AGBL4: variants seen among roughly 807,000 people sequenced by gnomAD.
The protein encoded by AGBL4 is cytosolic carboxypeptidase 6.
Under a neutral mutation model 66.4 loss-of-function variants are expected in AGBL4, and 58 were observed. The ratio of observed to expected loss-of-function variants is 0.87; its 90% CI spans 0.71 to 1.09. The LOEUF is 1.09. Among genes scored for constraint, AGBL4 ranks in the 50% least tolerant of loss-of-function variants. AGBL4 has a pLI of 0.00. For missense variants in AGBL4, 579 were observed against 631.0 expected, an observed-to-expected ratio of 0.92 and a Z score of 0.88; for synonymous variants, 234 against 222.9, an observed-to-expected ratio of 1.05 and a Z score of -0.44.
At chr1:49,052,560 T>C (rs1242758833) in intron 4 of AGBL4, among the ~76,000 whole-genome samples, 2 of 152,160 alleles carry the variant, frequency 1.3e-5, no homozygotes, top group Non-Finnish European at 2.9e-5. Flanking sequence ...AAAACTGTCA[T>C]TTGCTGGGGT....
At chr1:50,017,872 C>T (rs1662112217) in intron 1 of AGBL4, among the ~76,000 whole-genome samples, 2 of 151,972 alleles carry the variant, frequency 1.3e-5, no homozygotes, top group Admixed American at 1.3e-4. Flanking sequence ...TGTATGTACC[C>T]CATGAGCCTA....
At chr1:49,359,233 T>C (rs756281510) in intron 3 of AGBL4, among the ~76,000 whole-genome samples, 1 of 152,108 alleles carries the variant, frequency 6.6e-6, no homozygotes, top group Non-Finnish European at 1.5e-5. Flanking sequence ...CTGAATAGGA[T>C]TTAGTAGAAA....
intron 1 of AGBL4, among the ~76,000 whole-genome samples, chr1:49,919,990 A>G (rs1652031049): frequency 6.6e-6 from 1 of 152,174 alleles, no homozygotes; most frequent in Non-Finnish European, 1.5e-5. Flanking sequence ...AAATGGGGAA[A>G]GGATTCCCTA....
chr1:49,054,860 AC>A (rs2147896527), intron 4 of AGBL4, among the ~76,000 whole-genome samples: 2 of 152,012 alleles, frequency 1.3e-5, no homozygotes, highest in Admixed American at 1.3e-4. Context: ...TGTTAATGAG[AC>A]TTTTACATTT....
chr1:49,742,440 T>G (rs1458624856), intron 2 of AGBL4, among the ~76,000 whole-genome samples: 1 of 151,910 alleles, frequency 6.6e-6, no homozygotes, highest in African/African-American at 2.4e-5. Context: ...TGCTCATGGG[T>G]AGGAAGAATC....
intron 4 of AGBL4, among the ~76,000 whole-genome samples, chr1:49,242,967 GAAT>G (rs1651352333): frequency 6.6e-6 from 1 of 151,400 alleles, no homozygotes. Context: ...AGGTGAAGAA[GAAT>G]GTTTGTTTCA....
intron 3 of AGBL4, among the ~76,000 whole-genome samples, chr1:49,285,959 C>A (rs1051691154): frequency 6.6e-6 from 1 of 152,110 alleles, no homozygotes; most frequent in African/African-American, 2.4e-5. Flanking sequence ...TGCAAAAATC[C>A]TCAATAAAAT....
intron 3 of AGBL4, among the ~76,000 whole-genome samples, chr1:49,352,869 T>C (rs1643939585): frequency 6.6e-6 from 1 of 152,164 alleles, no homozygotes; most frequent in Admixed American, 6.5e-5. Context: ...TGTCACATAG[T>C]AGTAGCAGCA....
chr1:49,471,640 GC>G (rs1646747462), intron 3 of AGBL4, among the ~76,000 whole-genome samples: 1 of 151,802 alleles, frequency 6.6e-6, no homozygotes, highest in South Asian at 2.1e-4. Flanking sequence ...CTCCTGAAAT[GC>G]CAGTAGGTAC....
At chr1:50,001,136 A>T (rs1660721468) in intron 1 of AGBL4, among the ~76,000 whole-genome samples, 1 of 151,636 alleles carries the variant, frequency 6.6e-6, no homozygotes, top group Non-Finnish European at 1.5e-5. Context: ...ATATGTCTGT[A>T]TATGTGGTAT....
In AGBL4 at chr1:49,950,009, T is replaced by TATACAC. The variant is rs1553152368; in HGVS notation, c.34+73753_34+73754insGTGTAT. 1.3e-4 allele frequency among the ~76,000 whole-genome samples: 13 copies of TATACAC among 102,842 alleles called. No individual in the cohort carries two copies. The East Asian group carries it at 1.3e-3, about 10-fold the overall frequency. The allele number at this position is 102,842 out of a possible 152,430, so 67.5% of individuals were successfully genotyped here. Reference sequence around the variant, plus strand: ...GTATATATATATGTGTATATATATATACACACACATATGTGTGTGTGTGTA... The same window carrying TATACAC: ...GTATATATATATGTGTATATATATATATACACACACACACATATGTGTGTGTGTGTA... On this transcript the variant is annotated intron_variant, in intron 1 of 13. Transcript: ENST00000371839.
At chr1:48,735,527 TAAGGAAGG>T (rs1380162815) in intron 6 of AGBL4, among the ~76,000 whole-genome samples, 16 of 127,840 alleles carry the variant, frequency 1.3e-4, no homozygotes, top group Middle Eastern at 4.3e-3. Context: ...AGGAAGGAAG[TAAGGAAGG>T]AAGAAGGAAA....
chr1:49,913,846 C>G (rs1651110394), intron 1 of AGBL4, among the ~76,000 whole-genome samples: 1 of 152,200 alleles, frequency 6.6e-6, no homozygotes, highest in Admixed American at 6.5e-5. Context: ...ACTAGGACAG[C>G]TGGAAAGCAC....
At chr1:49,028,877 T>C (rs2149032349) in intron 5 of AGBL4, among the ~76,000 whole-genome samples, 1 of 152,274 alleles carries the variant, frequency 6.6e-6, no homozygotes, top group South Asian at 2.1e-4. Flanking sequence ...CCAAATGGGA[T>C]TTATCCCATG....
intron 4 of AGBL4, among the ~76,000 whole-genome samples, chr1:49,063,121 A>AT (rs539318340): frequency 6.6e-5 from 10 of 151,854 alleles, no homozygotes; most frequent in East Asian, 3.9e-4. Flanking sequence ...GAGGCAAGGA[A>AT]TTTTTTTTTC....
intron 3 of AGBL4, among the ~76,000 whole-genome samples, chr1:49,580,400 TTCTG>T (rs1277505502): frequency 6.6e-6 from 1 of 152,204 alleles, no homozygotes; most frequent in Non-Finnish European, 1.5e-5. Context: ...GTTTCTTTAT[TTCTG>T]TCTGTTTCTA....
intron 11 of AGBL4, among the ~76,000 whole-genome samples, chr1:48,583,716 A>T (rs1039582691): frequency 6.6e-6 from 1 of 152,114 alleles, no homozygotes; most frequent in Non-Finnish European, 1.5e-5. Context: ...TTCCTAGTCT[A>T]GAGGACATTT....
intron 3 of AGBL4, among the ~76,000 whole-genome samples, chr1:49,371,731 G>T (rs950720332): frequency 6.6e-6 from 1 of 151,826 alleles, no homozygotes; most frequent in African/African-American, 2.4e-5. Flanking sequence ...GCAGAAGACT[G>T]CAGAACTTCG....
At position 48,671,279 on chromosome 1, in the gene AGBL4, C is replaced by T. The variant is rs368531447; in HGVS notation, c.635-8038G>A. Among the ~76,000 whole-genome samples the T allele has an allele frequency of 2.6e-5, 4 of 152,378 alleles. 1 individual carries two copies. The highest frequency in any genetic ancestry group is 9.6e-5 in the African/African-American group (4 of 41,598). ...AAGAAGGCTGAGGACAAAGGACTTT[C>T]TTTTCTGTTAAATTCAGTTCATATT... On this transcript the variant is annotated intron_variant, in intron 6 of 13. Transcript: ENST00000371839.
Sources: gnomAD v4.1 joint callset for allele counts (sites outside exome capture counted in the v4.1 genomes callset) on GRCh38, gnomAD v4.1.1 for gene constraint, MANE v1.5 for transcripts, NCBI Gene and HGNC (gene_info 2026-07-23, HGNC 2026-07-21) for gene names.